The following WRAP73 variants were observed in gnomAD, a reference collection of about 807,000 sequenced individuals.
WRAP73 encodes WD repeat containing, antisense to TP73, also known as WD repeat-containing protein WRAP73.
Under a neutral mutation model 59.6 loss-of-function variants are expected in WRAP73, and 55 were observed. That is an observed-to-expected ratio of 0.92 (90% confidence interval 0.74 to 1.15). The LOEUF (loss-of-function observed/expected upper bound fraction) is 1.15. Among genes scored for constraint, WRAP73 ranks in the 50% most tolerant of loss-of-function variants. WRAP73 has a pLI of 0.00. For missense variants in WRAP73, 592 were observed against 608.1 expected, an observed-to-expected ratio of 0.97 and a Z score of 0.28; for synonymous variants, 265 against 258.2, an observed-to-expected ratio of 1.03 and a Z score of -0.25.
At chr1:3,635,125 G>C (rs1164945301) in intron 7 of WRAP73, 35 bp downstream of exon 7, 1 of 1,614,032 alleles carries the variant, frequency 6.2e-7, no homozygotes, top group Non-Finnish European at 8.5e-7. Context: ...CCGCTGGGCG[G>C]TCGGACTTCC....
Position 3,630,986 on chromosome 1 carries a change from C to T in WRAP73, c.1372G>A (p.Gly458Ser), listed in dbSNP as rs1293407535. Reference sequence around the variant, plus strand: ...TTAGTGCACCGCTGCTACGTGTGGCCGCCCAGCTGTCTGCAGGCTGTGCCG... The same window carrying T: ...TTAGTGCACCGCTGCTACGTGTGGCTGCCCAGCTGTCTGCAGGCTGTGCCG... Reference protein sequence around the residue: ...VVGTACRQLGGHT With the variant: ...VVGTACRQLGSHT The change falls in exon 12 of 12, where the codon GGC becomes AGC. Residue 458 changes from glycine to serine, a missense_variant. Transcript: ENST00000270708. The T allele has an allele frequency of 6.2e-6, 10 of 1,612,602 alleles. No homozygotes were observed. The highest frequency in any genetic ancestry group is 1.7e-5 in the Admixed American group (1 of 59,984).
intron 1 of WRAP73, 123 bp downstream of exon 1, chr1:3,649,791 CCCGGGCCCCGCACCTGT>C (rs2101976005): frequency 1.2e-6 from 1 of 859,310 alleles, no homozygotes; most frequent in South Asian, 1.9e-5. Context: ...CGGGTACCTG[CCCGGGCCCCGCACCTGT>C]CCGGGCACCG....
At chr1:3,636,677 G>A (rs760109921) in intron 5 of WRAP73, 6 of 409,808 alleles carry the variant, frequency 1.5e-5, no homozygotes, top group African/African-American at 4.1e-5. Flanking sequence ...CCTCAGTCAA[G>A]GTGAACTTCC....
chr1:3,650,085 GCCTCC>G lies in WRAP73; in HGVS notation c.-91_-87del. On this transcript the variant is annotated 5_prime_UTR_variant, in exon 1 of 12. Transcript: ENST00000270708. ...CAGCAGGCTGCAACAGCCGACGCCG[GCCTCC>G]GAGGCCGGAAGTCAGAAGGCGGAAG... The G allele has an allele frequency of 7.3e-7, 1 of 1,361,488 alleles. No homozygotes were observed. Among genetic ancestry groups the G allele is most frequent in the African/African-American group, 1.5e-5 (1 of 64,762 alleles). The allele number at this position is 1,361,488 out of a possible 1,614,324, so 84.3% of individuals were successfully genotyped here. A position where few individuals can be genotyped will look rare whatever the true frequency, so the allele number is the denominator to read the frequency against.
In WRAP73 at chr1:3,631,662, G is replaced by A; in HGVS notation, c.1049-5C>T. 2 of 1,587,018 alleles carry A rather than the reference G, an allele frequency of 1.3e-6. No homozygotes were observed. The highest frequency in any genetic ancestry group is 1.7e-6 in the Non-Finnish European group (2 of 1,170,942). ...AGACGGCATTGGGAATGTTGTCTGA[G>A]GAAGGAAGGACAGGGCACCGGTGTC... On this transcript the variant is annotated splice_polypyrimidine_tract_variant and splice_region_variant and intron_variant, in intron 10 of 11. Transcript: ENST00000270708.
intron 5 of WRAP73, chr1:3,636,274 C>T (rs1191735546): frequency 1.9e-6 from 1 of 522,762 alleles, no homozygotes; most frequent in African/African-American, 1.9e-5. Flanking sequence ...CGCGCCTGCA[C>T]TCGTGTGCAC....
At chr1:3,648,296 TA>T (rs201566292) in intron 1 of WRAP73, among the ~76,000 whole-genome samples, 1,916 of 152,364 alleles carry the variant, frequency 0.013, 21 homozygotes, top group Non-Finnish European at 0.02. Flanking sequence ...TATATTTTAC[TA>T]CAGTTTCAAG....
intron 6 of WRAP73, 102 bp from the exon 7 acceptor site, chr1:3,635,396 A>G: frequency 2.0e-6 from 3 of 1,517,634 alleles, no homozygotes; most frequent in Non-Finnish European, 2.7e-6. Context: ...GATAGCACAA[A>G]GCTGGCAGGA....
chr1:3,633,408 TGAGCTCGG>T lies in WRAP73; in HGVS notation c.904_911del (p.Pro302ArgfsTer3). 1.2e-6 allele frequency: 2 copies of T among 1,612,692 alleles called. No homozygotes were observed. Among genetic ancestry groups the T allele is most frequent in the Non-Finnish European group, 1.7e-6 (2 of 1,179,824 alleles). Reference sequence around the variant, plus strand: ...ACATGTGCTACTTACATTTACTCTCTGAGCTCGGGAGAGGGCCGGCCCCGGCCCGGGGC... The same window carrying T: ...ACATGTGCTACTTACATTTACTCTCTGAGAGGGCCGGCCCCGGCCCGGGGC... On this transcript the variant is annotated frameshift_variant, in exon 9 of 12. Transcript: ENST00000270708. LOFTEE classifies it high-confidence loss of function.
chr1:3,636,177 A>T (rs1217590552), intron 5 of WRAP73, 147 bp from the exon 6 acceptor site: 1 of 658,376 alleles, frequency 1.5e-6, no homozygotes, highest in Non-Finnish European at 2.7e-6. Context: ...AAATGCATGA[A>T]ATCCCTGTAG....
In WRAP73 at chr1:3,646,078, C is replaced by T. The variant is rs768065585; in HGVS notation, c.339+588G>A. ...ATAATGCTCTGACCTAAAATATACA[C>T]ACCACTATATACGCTCCCCGGCTCC... On this transcript the variant is annotated intron_variant, in intron 3 of 11. Transcript: ENST00000270708. This position sits in a 1 kb window ranked among gnomAD's most constrained non-coding sequence, Gnocchi z 5.1. 6.6e-6 allele frequency among the ~76,000 whole-genome samples: 1 copy of T among 152,242 alleles called. No individual in the cohort carries two copies. Among genetic ancestry groups the T allele is most frequent in the African/African-American group, 2.4e-5 (1 of 41,464 alleles).
rs766319962 is a variant in WRAP73, at chr1:3,635,172, G to C, written c.726C>G (p.Ser242Arg). 5.0e-6 allele frequency: 8 copies of C among 1,614,102 alleles called. No individual in the cohort carries two copies. The South Asian group carries it at 6.6e-5, about 13-fold the overall frequency. ...CACTGGTTCCCACCTTTCCATCATA[G>C]CTCCCAACTGCCAGGAACTGACTGC... ...SPSSQFLAVG[S>R]YDGKVRILNH... is the part of the protein sequence containing the mutation. The change falls in exon 7 of 12, where the codon AGC becomes AGG. Residue 242 changes from serine (S) to arginine (R), a missense_variant. Coordinates refer to ENST00000270708, the MANE Select transcript of WRAP73 (RefSeq NM_017818.4).
At position 3,647,416 on chromosome 1, in the gene WRAP73, GC is replaced by G; in HGVS notation, c.213del (p.Leu72TrpfsTer7). ...LFILCAMYKR[G>X]LVQVWSLEQP... ...GACACGGCAGCACACACCTGCACCA[GC>G]CCTCGCTTGTACATGGCGCACAGGA... is the stretch of plus-strand genomic sequence containing the variant. On this transcript the variant is annotated frameshift_variant, in exon 2 of 12. Coordinates refer to ENST00000270708, the MANE Select transcript of WRAP73 (RefSeq NM_017818.4). LOFTEE classifies it high-confidence loss of function. The G allele has an allele frequency of 6.2e-6, 10 of 1,613,276 alleles. No individual in the cohort carries two copies. The highest frequency in any genetic ancestry group is 8.5e-6 in the Non-Finnish European group (10 of 1,179,718).
rs551392357 is a variant in WRAP73 at position 3,631,302 on chromosome 1, G to A, written c.1240+164C>T. 5.7e-4 allele frequency: 735 copies of A among 1,299,450 alleles called. 1 individual carries two copies. Among genetic ancestry groups the A allele is most frequent in the Non-Finnish European group, 7.1e-4 (674 of 945,896 alleles). The allele number at this position is 1,299,450 out of a possible 1,614,324, so 80.5% of individuals were successfully genotyped here. The stretch of plus-strand genomic sequence containing the variant: ...CTTCTAGCCCATAAAGCTGAGGGCA[G>A]CGGGTCCCCTGTGTGTCCGTCTTGA... On this transcript the variant is annotated intron_variant, in intron 11 of 11. Coordinates refer to ENST00000270708, the MANE Select transcript of WRAP73 (RefSeq NM_017818.4).
intron 3 of WRAP73, among the ~76,000 whole-genome samples, chr1:3,644,568 G>A (rs572317010): frequency 3.9e-5 from 6 of 152,360 alleles, no homozygotes; most frequent in African/African-American, 1.4e-4. Context: ...CGCATGCAAA[G>A]CTGGAGACAC....
At chr1:3,642,390 C>A (rs1451640157) in intron 3 of WRAP73, among the ~76,000 whole-genome samples, 1 of 152,168 alleles carries the variant, frequency 6.6e-6, no homozygotes, top group Non-Finnish European at 1.5e-5. Flanking sequence ...AGTGATCCTG[C>A]AGGTATAATG....
rs1644586062 is a variant in WRAP73 at position 3,636,012 on chromosome 1, G to T, written c.535C>A (p.Gln179Lys). 1 of 1,613,812 alleles carries T rather than the reference G, an allele frequency of 6.2e-7. No homozygotes were observed. The highest frequency in any genetic ancestry group is 1.1e-5 in the South Asian group (1 of 91,086). ...QLLRHFDTDT[Q>K]DLTGIEWAPN... ...GCCCACTCAATCCCTGTGAGATCCT[G>T]GGTGTCCGTATCAAAATGCTTCCAA... Residue 179 changes from glutamine to lysine, a missense_variant, in exon 6 of 12, where the codon CAG (glutamine) becomes AAG (lysine). By Grantham distance (53) the Gln-to-Lys change is moderately conservative. Coordinates refer to ENST00000270708, the MANE Select transcript of WRAP73 (RefSeq NM_017818.4).
intron 3 of WRAP73, among the ~76,000 whole-genome samples, chr1:3,642,858 T>C (rs1423430344): frequency 2.0e-5 from 3 of 151,340 alleles, no homozygotes; most frequent in Non-Finnish European, 4.4e-5. Flanking sequence ...CTGTGTGTAA[T>C]GAAACAAGAT....
Position 3,634,884 on chromosome 1 carries a change from T to C in WRAP73, c.816+113A>G, listed in dbSNP as rs1644574302. 3.1e-6 allele frequency: 4 copies of C among 1,276,488 alleles called. No homozygotes were observed. The Admixed American group carries it at 6.8e-5, about 22-fold the overall frequency. 79.1% of individuals were successfully genotyped at this position (1,276,488 alleles called of 1,614,324 possible). The stretch of plus-strand genomic sequence containing the variant: ...TGTCACAGTAGCAAGTTTACGGTGA[T>C]GGAAGTGCCCGGTTAAATAATAAAC... On this transcript the variant is annotated intron_variant, in intron 8 of 11. Coordinates refer to ENST00000270708, the MANE Select transcript of WRAP73 (RefSeq NM_017818.4).
Sources: allele counts gnomAD v4.1 joint callset (sites outside exome capture counted in the v4.1 genomes callset), GRCh38; gene constraint gnomAD v4.1.1; non-coding constraint Gnocchi (gnomAD v3.1); transcripts MANE v1.5; gene names NCBI Gene and HGNC (gene_info 2026-07-23, HGNC 2026-07-21).